The following MED27 variants were observed in gnomAD, a reference collection of about 807,000 sequenced individuals.
MED27 encodes mediator complex subunit 27.
A neutral mutation model predicts 38.2 loss-of-function variants in MED27; 30 were observed. The observed-to-expected ratio is 0.79, with a 90% CI of 0.59 to 1.07. The LOEUF is 1.07. Among genes scored for constraint, MED27 ranks in the 50% least tolerant of loss-of-function variants. MED27 has a pLI of 0.00. For synonymous variants in MED27, 122 were observed against 153.5 expected, an observed-to-expected ratio of 0.79 and a Z score of 1.52; for missense variants, 289 against 397.5, an observed-to-expected ratio of 0.73 and a Z score of 2.32.
chr9:131,958,039 A>G (rs1371829466), intron 3 of MED27, among the ~76,000 whole-genome samples: 1 of 152,042 alleles, frequency 6.6e-6, no homozygotes, highest in Non-Finnish European at 1.5e-5. Flanking sequence ...TGATTATCCT[A>G]TCTTATTTGG....
intron 5 of MED27, among the ~76,000 whole-genome samples, chr9:131,887,487 T>C (rs1184180557): frequency 6.6e-6 from 1 of 152,190 alleles, no homozygotes; most frequent in Non-Finnish European, 1.5e-5. Flanking sequence ...CGTACTTGAT[T>C]TTCTGCTAGA....
intron 3 of MED27, among the ~76,000 whole-genome samples, chr9:131,986,898 C>T (rs1589250978): frequency 6.6e-6 from 1 of 150,410 alleles, no homozygotes; most frequent in Admixed American, 6.6e-5. Context: ...TAAATATTTG[C>T]TGAATGAATG....
chr9:131,939,306 CA>C (rs1830741021), intron 4 of MED27, 74 bp downstream of exon 4: 7 of 896,442 alleles, frequency 7.8e-6, no homozygotes, highest in Non-Finnish European at 1.2e-5. Context: ...GATCCTACAA[CA>C]CAGGACCAGA....
At position 132,048,130 on chromosome 9, in the gene MED27, G is replaced by A. The variant is rs910526843; in HGVS notation, c.348+29312C>T. On this transcript the variant is annotated intron_variant, in intron 2 of 7. Coordinates refer to ENST00000292035, the MANE Select transcript of MED27 (RefSeq NM_004269.4). ...TTTCTGTTTTTCAGGCTGGGATAATGAGCACATATTACTCTGAAAACAATA... is the reference window on the plus strand; with the variant it reads ...TTTCTGTTTTTCAGGCTGGGATAATAAGCACATATTACTCTGAAAACAATA... Among the ~76,000 whole-genome samples, 5 of 152,244 alleles carry A rather than the reference G, an allele frequency of 3.3e-5. No individual in the cohort carries two copies. The South Asian group carries it at 1.0e-3, about 32-fold the overall frequency.
chr9:131,963,722 G>C (rs931988564), intron 3 of MED27, among the ~76,000 whole-genome samples: 1 of 152,122 alleles, frequency 6.6e-6, no homozygotes, highest in East Asian at 1.9e-4. Flanking sequence ...TGAATGTTAT[G>C]AGCATCGGCT....
At chr9:131,899,500 A>AG (rs1188385206) in intron 4 of MED27, among the ~76,000 whole-genome samples, 15 of 152,176 alleles carry the variant, frequency 9.9e-5, no homozygotes, top group African/African-American at 3.6e-4. Context: ...AGTGTGACCC[A>AG]GGGCAACTCA....
intron 3 of MED27, among the ~76,000 whole-genome samples, chr9:131,995,395 C>T (rs1466180953): frequency 1.3e-5 from 2 of 152,008 alleles, no homozygotes; most frequent in African/African-American, 4.8e-5. Flanking sequence ...GATCTAGTTG[C>T]TAATGCCAAA....
At chr9:131,912,685 A>G (rs1830213750) in intron 4 of MED27, among the ~76,000 whole-genome samples, 1 of 152,206 alleles carries the variant, frequency 6.6e-6, no homozygotes, top group Non-Finnish European at 1.5e-5. Flanking sequence ...CAGTTCAAGA[A>G]CTTTCAAAGA....
At chr9:131,935,519 C>T (rs79284282) in intron 4 of MED27, among the ~76,000 whole-genome samples, 4,206 of 152,162 alleles carry the variant, frequency 0.028, 197 homozygotes, top group African/African-American at 0.097. Context: ...GGACATTAGA[C>T]GACAATGATC....
intron 1 of MED27, among the ~76,000 whole-genome samples, chr9:132,078,462 T>C (rs1010577477): frequency 3.3e-5 from 5 of 152,084 alleles, no homozygotes; most frequent in Non-Finnish European, 5.9e-5. Context: ...TAGGGAAGAA[T>C]AGCCAGTGCA....
rs144681841 is a variant in MED27 at position 131,930,957 on chromosome 9, G to A, written c.573+8424C>T. On this transcript the variant is annotated intron_variant, in intron 4 of 7. Transcript: ENST00000292035. ...TGTTGTCATCAGTTTAAAATAACAG[G>A]TTATAAGGCTGGGCACGGTGGCTCA... is the stretch of plus-strand genomic sequence containing the variant. 2.2e-3 allele frequency among the ~76,000 whole-genome samples: 328 copies of A among 152,136 alleles called. 3 individuals are homozygous for A. The highest frequency in any genetic ancestry group is 3.6e-3 in the Non-Finnish European group (244 of 67,986).
chr9:131,920,041 A>G (rs531473538), intron 4 of MED27, among the ~76,000 whole-genome samples: 26 of 152,116 alleles, frequency 1.7e-4, no homozygotes, highest in Non-Finnish European at 3.4e-4. Flanking sequence ...GAATTCTTGC[A>G]CTCAAGCAAT....
At chr9:131,869,079 T>C in intron 6 of MED27, 1 of 985,466 alleles carries the variant, frequency 1.0e-6, no homozygotes, top group South Asian at 4.7e-5. Flanking sequence ...CACTGCCAAG[T>C]GCTGGCAGCT....
intron 4 of MED27, among the ~76,000 whole-genome samples, chr9:131,928,734 C>T (rs1054333666): frequency 1.3e-5 from 2 of 152,252 alleles, no homozygotes; most frequent in Non-Finnish European, 1.5e-5. Flanking sequence ...CTCAGCAAGC[C>T]TTGCCAGCGT....
At chr9:132,075,425 C>A (rs1054342018) in intron 2 of MED27, among the ~76,000 whole-genome samples, 5 of 152,218 alleles carry the variant, frequency 3.3e-5, no homozygotes, top group African/African-American at 1.2e-4. Context: ...CACCTCCTCA[C>A]ATTGCTCATA....
At chr9:131,894,462 ACTAT>A (rs1440529203) in intron 4 of MED27, among the ~76,000 whole-genome samples, 2 of 152,204 alleles carry the variant, frequency 1.3e-5, no homozygotes, top group South Asian at 2.1e-4. Context: ...TCTTGGTTGA[ACTAT>A]CTATTTATAG....
intron 2 of MED27, among the ~76,000 whole-genome samples, chr9:132,033,491 T>C (rs1833007904): frequency 1.3e-5 from 2 of 152,172 alleles, no homozygotes; most frequent in Non-Finnish European, 2.9e-5. Context: ...TCTTGTGAAG[T>C]ACCACCCGCC....
intron 3 of MED27, among the ~76,000 whole-genome samples, chr9:132,010,145 C>T (rs148438405): frequency 0.028 from 4,316 of 152,300 alleles, 84 homozygotes; most frequent in African/African-American, 0.05. Context: ...TTGCCCATGC[C>T]TATGTCCTGA....
Position 131,862,996 on chromosome 9 carries a change from A to G in MED27, c.801+67T>C, listed in dbSNP as rs1838676686. On this transcript the variant is annotated intron_variant, in intron 7 of 7. Coordinates refer to ENST00000292035, the MANE Select transcript of MED27 (RefSeq NM_004269.4). The surrounding 1 kb of genome is among the most constrained non-coding windows in gnomAD (Gnocchi z 4.6). The stretch of plus-strand genomic sequence containing the variant: ...CTGAAGATGCAACGGCTGCCCTTCA[A>G]GCTCCCTGTTCTCACTTGAAGGGAG... The G allele has an allele frequency of 5.6e-6, 8 of 1,422,304 alleles. No homozygotes were observed. The South Asian group carries it at 9.4e-5, about 17-fold the overall frequency. The allele number at this position is 1,422,304 out of a possible 1,614,324, so 88.1% of individuals were successfully genotyped here.
Sources: allele counts gnomAD v4.1 joint callset (sites outside exome capture counted in the v4.1 genomes callset), GRCh38; gene constraint gnomAD v4.1.1; non-coding constraint Gnocchi (gnomAD v3.1); transcripts MANE v1.5; gene names NCBI Gene and HGNC (gene_info 2026-07-23, HGNC 2026-07-21).